The following CACNA2D3 variants were observed in gnomAD, a reference collection of about 807,000 sequenced individuals.
CACNA2D3 encodes the protein calcium voltage-gated channel auxiliary subunit alpha2delta 3.
A neutral mutation model predicts 160.6 loss-of-function variants in CACNA2D3; 60 were observed. That is an observed-to-expected ratio of 0.37 (90% CI 0.30 to 0.46). The LOEUF (loss-of-function observed/expected upper bound fraction) is 0.46. Among genes scored for constraint, CACNA2D3 ranks in the 20% least tolerant of loss-of-function variants. The pLI is 1.00. For missense variants in CACNA2D3, 1,205 were observed against 1,365.0 expected, an observed-to-expected ratio of 0.88 and a Z score of 1.85; for synonymous variants, 558 against 492.9, an observed-to-expected ratio of 1.13 and a Z score of -1.75.
chr3:54,914,365 C>T (rs1700617422), intron 27 of CACNA2D3, among the ~76,000 whole-genome samples: 1 of 152,122 alleles, frequency 6.6e-6, no homozygotes, highest in African/African-American at 2.4e-5. Context: ...GATAGAAAGG[C>T]TGGTGGCAGC....
chr3:54,782,000 G>A (rs960463720), intron 13 of CACNA2D3, among the ~76,000 whole-genome samples: 2 of 152,220 alleles, frequency 1.3e-5, no homozygotes, highest in Non-Finnish European at 2.9e-5. Context: ...TGTTTGCAGA[G>A]AAAGGCAAGG....
At chr3:54,896,913 G>A (rs1559621273) in intron 26 of CACNA2D3, 43 bp downstream of exon 26, 1 of 1,613,204 alleles carries the variant, frequency 6.2e-7, no homozygotes. Context: ...GTCTGGTCCA[G>A]TGGGTCTGGG....
At chr3:55,054,722 A>G (rs371072140) in intron 35 of CACNA2D3, among the ~76,000 whole-genome samples, 1 of 151,808 alleles carries the variant, frequency 6.6e-6, no homozygotes, top group East Asian at 1.9e-4. Context: ...TATGTGACAC[A>G]ATTACTGTAC....
chr3:54,906,424 C>T (rs1220858348), intron 27 of CACNA2D3, among the ~76,000 whole-genome samples: 1 of 151,532 alleles, frequency 6.6e-6, no homozygotes, highest in Non-Finnish European at 1.5e-5. Flanking sequence ...GAGAAGGCCT[C>T]CCTGATGAGG....
chr3:54,806,524 C>T (rs922611088), intron 13 of CACNA2D3, among the ~76,000 whole-genome samples: 1 of 151,532 alleles, frequency 6.6e-6, no homozygotes, highest in Non-Finnish European at 1.5e-5. Flanking sequence ...TCAAGGAGAA[C>T]TACAAACCAC....
intron 13 of CACNA2D3, among the ~76,000 whole-genome samples, chr3:54,770,569 G>T (rs1011099704): frequency 2.0e-5 from 3 of 152,200 alleles, no homozygotes; most frequent in Non-Finnish European, 4.4e-5. Context: ...AACGGGAAAA[G>T]GGTTAATTGG....
intron 34 of CACNA2D3, 46 bp from the exon 35 acceptor site, chr3:55,018,160 C>T: frequency 1.6e-6 from 2 of 1,240,644 alleles, no homozygotes; most frequent in Middle Eastern, 1.9e-4. Flanking sequence ...AATTTTGAGC[C>T]TGTGCCTTGC....
chr3:54,263,904 A>AT lies in CACNA2D3; in HGVS notation c.205-56531dup, dbSNP rs1439359650. Among the ~76,000 whole-genome samples the AT allele has an allele frequency of 8.6e-5, 13 of 151,882 alleles. No homozygotes were observed. In the East Asian group the frequency reaches 1.7e-3, roughly 20 times the overall value. ...TGGTCTTTGGCCTGTGTTTTCTTTC[A>AT]TTTTTTTCTTGCACTTTAGATGACA... is the stretch of plus-strand genomic sequence containing the variant. On this transcript the variant is annotated intron_variant, in intron 2 of 37. Transcript: ENST00000474759.
intron 35 of CACNA2D3, among the ~76,000 whole-genome samples, chr3:55,073,089 A>G (rs1704850553): frequency 6.6e-6 from 1 of 152,168 alleles, no homozygotes; most frequent in Non-Finnish European, 1.5e-5. Context: ...AACTTGGGGT[A>G]ATGTTTAGGC....
rs563095273 is a variant in CACNA2D3 at position 54,597,002 on chromosome 3, C to T, written c.963+15125C>T. On this transcript the variant is annotated intron_variant, in intron 9 of 37. Transcript: ENST00000474759. ...AGCATCTCATGGACAACATTGTGGT[C>T]ACCACTGTCTCCACGGCACACAGCA... is the stretch of plus-strand genomic sequence containing the variant. Among the ~76,000 whole-genome samples, 146 of 152,284 alleles carry T rather than the reference C, an allele frequency of 9.6e-4. 2 individuals carry two copies. The highest frequency in any genetic ancestry group is 2.2e-4 in the Non-Finnish European group (15 of 68,030).
At chr3:54,643,190 T>C (rs1699561920) in intron 11 of CACNA2D3, among the ~76,000 whole-genome samples, 2 of 152,254 alleles carry the variant, frequency 1.3e-5, no homozygotes, top group Admixed American at 6.5e-5. Flanking sequence ...TTTGCATACT[T>C]AATTTCTGGG....
chr3:54,324,636 A>T (rs1008536319), intron 3 of CACNA2D3, among the ~76,000 whole-genome samples: 1 of 152,076 alleles, frequency 6.6e-6, no homozygotes, highest in Non-Finnish European at 1.5e-5. Flanking sequence ...GCTTTTGTGT[A>T]TAGCAGTTGT....
chr3:54,450,164 A>G (rs928006493), intron 4 of CACNA2D3, among the ~76,000 whole-genome samples: 2 of 152,138 alleles, frequency 1.3e-5, no homozygotes, highest in African/African-American at 4.8e-5. Context: ...CCTTCATAAC[A>G]CAGTGCCACA....
rs202236028 is a variant in CACNA2D3, at chr3:54,918,415, A to T, written c.2449+18547A>T. On this transcript the variant is annotated intron_variant, in intron 27 of 37. Transcript: ENST00000474759. The stretch of plus-strand genomic sequence containing the variant: ...AACACATCAGCCCTACTCAGACACT[A>T]TCTTCTGGCCTGCAATGACCAATCC... The T allele has an allele frequency of 3.8e-5, 60 of 1,560,564 alleles. No individual in the cohort carries two copies. In the East Asian group the frequency reaches 1.3e-3, roughly 33 times the overall value.
chr3:54,163,418 G>A (rs563110108), intron 2 of CACNA2D3, among the ~76,000 whole-genome samples: 31 of 152,306 alleles, frequency 2.0e-4, no homozygotes, highest in African/African-American at 7.5e-4. Context: ...TCCGGCTGAA[G>A]GACCTGCCAT....
At chr3:54,735,755 A>G (rs1249320493) in intron 11 of CACNA2D3, among the ~76,000 whole-genome samples, 2 of 151,942 alleles carry the variant, frequency 1.3e-5, no homozygotes, top group Non-Finnish European at 2.9e-5. Flanking sequence ...TCAGAGCTGC[A>G]CAGGAGATCC....
chr3:54,213,960 G>A (rs184719877), intron 2 of CACNA2D3, among the ~76,000 whole-genome samples: 6 of 152,270 alleles, frequency 3.9e-5, no homozygotes, highest in African/African-American at 1.4e-4. Flanking sequence ...TGAGTGGTTG[G>A]TCCACCACTG....
At position 55,003,352 on chromosome 3, in the gene CACNA2D3, A is replaced by G. The variant is rs147725789; in HGVS notation, c.2691-1411A>G. 6.2e-3 allele frequency among the ~76,000 whole-genome samples: 944 copies of G among 152,324 alleles called. 5 individuals are homozygous for G. The highest frequency in any genetic ancestry group is 8.2e-3 in the Non-Finnish European group (556 of 68,034). ...ACTCCTTTGGCTATACCTTTCAAGC[A>G]TGGGATAAGATGTTCATACCATCTA... On this transcript the variant is annotated intron_variant, in intron 31 of 37. Coordinates refer to ENST00000474759, the MANE Select transcript of CACNA2D3 (RefSeq NM_018398.3).
intron 13 of CACNA2D3, among the ~76,000 whole-genome samples, chr3:54,792,544 C>T (rs1330071476): frequency 6.6e-6 from 1 of 152,164 alleles, no homozygotes; most frequent in Non-Finnish European, 1.5e-5. Context: ...GAATCTGCCT[C>T]TTGCCATCTC....
Sources: gnomAD v4.1 joint callset for allele counts (sites outside exome capture counted in the v4.1 genomes callset) on GRCh38, gnomAD v4.1.1 for gene constraint, MANE v1.5 for transcripts, NCBI Gene and HGNC (gene_info 2026-07-23, HGNC 2026-07-21) for gene names.